Variants in ARID4B observed in about 807,000 individuals in gnomAD.
ARID4B encodes the protein AT-rich interactive domain-containing protein 4B.
Under a neutral mutation model 147.5 loss-of-function variants are expected in ARID4B, and 26 were observed. The ratio of observed to expected loss-of-function variants is 0.18; its 90% CI spans 0.13 to 0.24. The LOEUF is 0.24. Among genes scored for constraint, ARID4B ranks in the 10% least tolerant of loss-of-function variants. The pLI is 1.00. For synonymous variants in ARID4B, 512 were observed against 507.9 expected (o/e 1.01, Z -0.11); for missense variants, 1,179 against 1,511.5 (o/e 0.78, Z 3.65).
At chr1:235,277,723 T>C (rs1671432470) in intron 2 of ARID4B, among the ~76,000 whole-genome samples, 1 of 151,932 alleles carries the variant, frequency 6.6e-6, no homozygotes, top group East Asian at 1.9e-4. Context: ...CTAAATGGCT[T>C]TTCTTGGCCA....
intron 16 of ARID4B, among the ~76,000 whole-genome samples, chr1:235,217,519 G>T (rs550600882): frequency 6.6e-6 from 1 of 152,202 alleles, no homozygotes; most frequent in Admixed American, 6.5e-5. Context: ...GAAACGAAAT[G>T]TATCAGCAAG....
At position 235,229,241 on chromosome 1, in the gene ARID4B, C is replaced by T. The variant is rs762360748; in HGVS notation, c.887G>A (p.Ser296Asn). 2 of 1,610,302 alleles carry T rather than the reference C, an allele frequency of 1.2e-6. No homozygotes were observed. The highest frequency in any genetic ancestry group is 1.3e-5 in the African/African-American group (1 of 74,840). Reference sequence around the variant, plus strand: ...ACTGTTTTCACTTACTTCTTCTTCACTGCTATTATCCTCCTTTTCTTTTTC... The same window carrying T: ...ACTGTTTTCACTTACTTCTTCTTCATTGCTATTATCCTCCTTTTCTTTTTC... ...DDEKEKEDNS[S>N]EEEEEIEPFP... is the part of the protein sequence containing the mutation. Residue 296 changes from serine to asparagine, a missense_variant, in exon 11 of 24, where the codon AGT (serine) becomes AAT (asparagine). Coordinates refer to ENST00000264183, the MANE Select transcript of ARID4B (RefSeq NM_016374.6).
chr1:235,231,543 G>C (rs1668235820), intron 9 of ARID4B, among the ~76,000 whole-genome samples: 1 of 152,190 alleles, frequency 6.6e-6, no homozygotes, highest in Non-Finnish European at 1.5e-5. Flanking sequence ...CTGGAGTGCA[G>C]TGGCACAATC....
chr1:235,189,232 C>G (rs1664904051), intron 19 of ARID4B, among the ~76,000 whole-genome samples: 2 of 151,770 alleles, frequency 1.3e-5, no homozygotes, highest in Admixed American at 1.3e-4. Context: ...AACCCCATCT[C>G]TACTAAAAAT....
At chr1:235,273,552 T>A (rs1266917647) in intron 2 of ARID4B, among the ~76,000 whole-genome samples, 1 of 152,196 alleles carries the variant, frequency 6.6e-6, no homozygotes, top group Non-Finnish European at 1.5e-5. Context: ...GCTAAATGCA[T>A]CCTGATTTCA....
At chr1:235,230,594 T>TTAAAAA (rs1491526188) in intron 10 of ARID4B, among the ~76,000 whole-genome samples, 1 of 58,412 alleles carries the variant, frequency 1.7e-5, no homozygotes, top group African/African-American at 6.7e-5. Context: ...GACTATAAGC[T>TTAAAAA]AAAAAAAAAA....
chr1:235,188,106 T>TG (rs1214378214), intron 19 of ARID4B, among the ~76,000 whole-genome samples: 5 of 151,904 alleles, frequency 3.3e-5, no homozygotes, highest in South Asian at 4.1e-4. Flanking sequence ...AATATGTGTG[T>TG]GGGGGGGTTT....
At chr1:235,259,262 C>T (rs1240936545) in intron 3 of ARID4B, among the ~76,000 whole-genome samples, 1 of 152,218 alleles carries the variant, frequency 6.6e-6, no homozygotes. Context: ...TCATTCATTA[C>T]ACAGGAAATG....
chr1:235,207,792 T>TA (rs1017431122), intron 17 of ARID4B, among the ~76,000 whole-genome samples: 12 of 152,190 alleles, frequency 7.9e-5, no homozygotes, highest in Non-Finnish European at 1.8e-4. Context: ...GAAAGCCTTT[T>TA]ACCAGGTTTT....
At position 235,203,388 on chromosome 1, in the gene ARID4B, T is replaced by TA. The variant is rs1666082561; in HGVS notation, c.1842-7274dup. 2.6e-5 allele frequency among the ~76,000 whole-genome samples: 4 copies of TA among 152,340 alleles called. 1 individual carries two copies. In the South Asian group the frequency reaches 8.3e-4, roughly 32 times the overall value. On this transcript the variant is annotated intron_variant, in intron 17 of 23. Transcript: ENST00000264183. ...TTTTAAAAGAAATATTATCAGCATATAGTTAATATATACCTAAAAAGCACA... is the reference window on the plus strand; with the variant it reads ...TTTTAAAAGAAATATTATCAGCATATAAGTTAATATATACCTAAAAAGCACA...
chr1:235,261,194 C>G (rs765642288), intron 2 of ARID4B, among the ~76,000 whole-genome samples: 2 of 152,086 alleles, frequency 1.3e-5, no homozygotes, highest in Admixed American at 6.6e-5. Context: ...CAGAATAGCT[C>G]TGTTATATCT....
At chr1:235,264,290 A>G (rs966999178) in intron 2 of ARID4B, among the ~76,000 whole-genome samples, 1 of 152,218 alleles carries the variant, frequency 6.6e-6, no homozygotes, top group Non-Finnish European at 1.5e-5. Flanking sequence ...AGACATATAT[A>G]ATCATCTAGA....
At chr1:235,191,179 T>G (rs1323495490) in intron 19 of ARID4B, among the ~76,000 whole-genome samples, 1 of 151,912 alleles carries the variant, frequency 6.6e-6, no homozygotes, top group Non-Finnish European at 1.5e-5. Flanking sequence ...AGAATATATA[T>G]AGAGTAGTCT....
rs570254209 is a variant in ARID4B, at chr1:235,230,529, T to C, written c.742+584A>G. 6.0e-4 allele frequency among the ~76,000 whole-genome samples: 89 copies of C among 149,104 alleles called. No homozygotes were observed. In the South Asian group the frequency reaches 0.011, roughly 19 times the overall value. On this transcript the variant is annotated intron_variant, in intron 10 of 23. Transcript: ENST00000264183. ...TTTTATTTACCAGGCAAAAGCTAGATTATAGTAACAGCTGACTACACAGTT... is the reference window on the plus strand; with the variant it reads ...TTTTATTTACCAGGCAAAAGCTAGACTATAGTAACAGCTGACTACACAGTT...
At chr1:235,257,113 T>C in intron 4 of ARID4B, 47 bp downstream of exon 4, 1 of 1,316,816 alleles carries the variant, frequency 7.6e-7, no homozygotes, top group Non-Finnish European at 1.1e-6. Context: ...AGTATGATTA[T>C]TTTTTCCCAA....
chr1:235,266,194 A>G (rs1354598968), intron 2 of ARID4B, among the ~76,000 whole-genome samples: 3 of 152,208 alleles, frequency 2.0e-5, no homozygotes, highest in African/African-American at 7.2e-5. Context: ...CCAAGATTGC[A>G]CCAGTATTTT....
intron 2 of ARID4B, among the ~76,000 whole-genome samples, chr1:235,262,467 C>G (rs1453449236): frequency 6.6e-6 from 1 of 152,136 alleles, no homozygotes; most frequent in African/African-American, 2.4e-5. Context: ...TGCACTAATA[C>G]TTTCTAATTT....
Position 235,172,776 on chromosome 1 carries a change from AAGCTTTCATTAAC to A in ARID4B, c.3665-25_3665-13del. On this transcript the variant is annotated splice_polypyrimidine_tract_variant and intron_variant, in intron 22 of 23. Transcript: ENST00000264183. ...ATTTTCCAGGTCCGCTATAAATTTAAAGCTTTCATTAACAGACATTTTTAAAGAAAATTTTAAC... is the reference window on the plus strand; with the variant it reads ...ATTTTCCAGGTCCGCTATAAATTTAAAGACATTTTTAAAGAAAATTTTAAC... 6.5e-7 allele frequency: 1 copy of A among 1,527,448 alleles called. No homozygotes were observed. The highest frequency in any genetic ancestry group is 1.4e-5 in the African/African-American group (1 of 70,452). 94.6% of individuals were successfully genotyped at this position (1,527,448 alleles called of 1,614,324 possible).
intron 2 of ARID4B, among the ~76,000 whole-genome samples, chr1:235,271,572 G>A (rs1242142933): frequency 2.6e-5 from 4 of 151,994 alleles, no homozygotes; most frequent in African/African-American, 4.8e-5. Flanking sequence ...GGAGATTGCA[G>A]TGAGCCGAGT....
Sources: gnomAD v4.1 joint callset for allele counts (sites outside exome capture counted in the v4.1 genomes callset) on GRCh38, gnomAD v4.1.1 for gene constraint, MANE v1.5 for transcripts, NCBI Gene and HGNC (gene_info 2026-07-23, HGNC 2026-07-21) for gene names.